The following SYNPR variants were observed in gnomAD, a reference collection of about 807,000 sequenced individuals.
SYNPR encodes the protein synaptoporin.
A neutral mutation model predicts 32.9 loss-of-function variants in SYNPR; 23 were observed. The ratio of observed to expected loss-of-function variants is 0.70; its 90% CI spans 0.50 to 0.99. SYNPR has a LOEUF of 0.99. Ranked by LOEUF, SYNPR falls within the 50% of genes least tolerant of loss-of-function variation. The pLI, the probability that SYNPR is intolerant of heterozygous loss-of-function variation, is 0.00. For synonymous variants in SYNPR, 146 were observed against 135.9 expected (o/e 1.07, Z -0.52); for missense variants, 318 against 349.3 (o/e 0.91, Z 0.71).
intron 2 of SYNPR, among the ~76,000 whole-genome samples, chr3:63,457,038 G>A (rs149332243): frequency 2.0e-5 from 3 of 152,212 alleles, no homozygotes; most frequent in Non-Finnish European, 2.9e-5. Context: ...GTGGTAAGAA[G>A]TCGCTGTATA....
At chr3:63,459,013 C>G (rs918755569) in intron 2 of SYNPR, among the ~76,000 whole-genome samples, 10 of 152,036 alleles carry the variant, frequency 6.6e-5, no homozygotes, top group Non-Finnish European at 1.2e-4. Flanking sequence ...TCTCCCGTCA[C>G]TTAAGTTTCT....
At chr3:63,526,737 A>G (rs923268444) in intron 3 of SYNPR, among the ~76,000 whole-genome samples, 3 of 152,196 alleles carry the variant, frequency 2.0e-5, no homozygotes, top group Non-Finnish European at 4.4e-5. Context: ...AATGACTGAC[A>G]TTTGGGAAAC....
chr3:63,394,884 G>A (rs936240358), intron 2 of SYNPR, among the ~76,000 whole-genome samples: 20 of 152,172 alleles, frequency 1.3e-4, no homozygotes, highest in Non-Finnish European at 2.8e-4. Context: ...ATTAGTATCA[G>A]ATAAGGTTTG....
intron 2 of SYNPR, among the ~76,000 whole-genome samples, chr3:63,373,864 C>T (rs933502493): frequency 1.3e-5 from 2 of 152,172 alleles, no homozygotes; most frequent in African/African-American, 4.8e-5. Flanking sequence ...GGAACCGCAT[C>T]AGGCTAACAG....
chr3:63,270,496 A>G (rs2086525352), intron 3 of SYNPR, among the ~76,000 whole-genome samples: 1 of 152,224 alleles, frequency 6.6e-6, no homozygotes, highest in Admixed American at 6.5e-5. Flanking sequence ...TTAATTAGGC[A>G]GTTGGGACTG....
At chr3:63,504,532 C>T (rs1484574501) in intron 3 of SYNPR, among the ~76,000 whole-genome samples, 1 of 152,148 alleles carries the variant, frequency 6.6e-6, no homozygotes, top group Non-Finnish European at 1.5e-5. Flanking sequence ...ATTGCCCCTT[C>T]GAGTGCAATG....
rs182915929 is a variant in SYNPR at position 63,536,114 on chromosome 3, A to G, written c.210-20429A>G. On this transcript the variant is annotated intron_variant, in intron 3 of 5. Transcript: ENST00000478300. The stretch of plus-strand genomic sequence containing the variant: ...AACCCTCATCTCTACAAAAAATAAA[A>G]TAAAAATTTTAAAAATTTAAGGAAT... Among the ~76,000 whole-genome samples, 295 of 152,204 alleles carry G rather than the reference A, an allele frequency of 1.9e-3. 1 individual carries two copies. Among genetic ancestry groups the G allele is most frequent in the African/African-American group, 6.8e-3 (281 of 41,560 alleles).
At chr3:63,271,909 G>C (rs571427701) in intron 3 of SYNPR, among the ~76,000 whole-genome samples, 1 of 152,140 alleles carries the variant, frequency 6.6e-6, no homozygotes. Flanking sequence ...AAATATTCTT[G>C]CTAACCTCCA....
intron 3 of SYNPR, among the ~76,000 whole-genome samples, chr3:63,494,421 A>G (rs1350966183): frequency 4.8e-5 from 1 of 20,888 alleles, no homozygotes; most frequent in South Asian, 1.3e-3. Context: ...ATATATACGT[A>G]TATATATATA....
intron 2 of SYNPR, among the ~76,000 whole-genome samples, chr3:63,379,072 C>A (rs149256177): frequency 1.3e-5 from 2 of 152,058 alleles, no homozygotes; most frequent in Non-Finnish European, 2.9e-5. Flanking sequence ...ATGTAGCATG[C>A]ATAAGTGTTT....
intron 2 of SYNPR, among the ~76,000 whole-genome samples, chr3:63,290,503 G>T (rs894892734): frequency 2.6e-5 from 4 of 151,968 alleles, no homozygotes; most frequent in Non-Finnish European, 4.4e-5. Flanking sequence ...CCTTCTCAGT[G>T]ACCTTTTTAT....
chr3:63,563,925 T>C (rs1702737193), intron 4 of SYNPR, among the ~76,000 whole-genome samples: 1 of 150,632 alleles, frequency 6.6e-6, no homozygotes, highest in African/African-American at 2.4e-5. Context: ...AAATATTTAC[T>C]GCTAGAAAAC....
intron 3 of SYNPR, among the ~76,000 whole-genome samples, chr3:63,521,736 A>G (rs1701918817): frequency 6.6e-6 from 1 of 152,222 alleles, no homozygotes; most frequent in South Asian, 2.1e-4. Context: ...TCATAATGGT[A>G]TTAGTCAGGG....
At position 63,460,001 on chromosome 3, in the gene SYNPR, T is replaced by C. The variant is rs544857912; in HGVS notation, c.85-20831T>C. The stretch of plus-strand genomic sequence containing the variant: ...ATCTCCACTCTCACTTCGCTGTCTG[T>C]CTCAGATGACTGCAACATCCCATAA... On this transcript the variant is annotated intron_variant, in intron 2 of 5. Coordinates refer to ENST00000478300, the MANE Select transcript of SYNPR (RefSeq NM_001130003.2). Among the ~76,000 whole-genome samples, 116 of 152,194 alleles carry C rather than the reference T, an allele frequency of 7.6e-4. 1 individual carries two copies. The highest frequency in any genetic ancestry group is 2.7e-3 in the African/African-American group (113 of 41,554).
chr3:63,544,358 A>C (rs997442117), intron 3 of SYNPR, among the ~76,000 whole-genome samples: 3 of 152,046 alleles, frequency 2.0e-5, no homozygotes, highest in Non-Finnish European at 4.4e-5. Context: ...CTCAAAAAGG[A>C]TTTGTTTATT....
chr3:63,318,919 T>C (rs1159766494), intron 2 of SYNPR, among the ~76,000 whole-genome samples: 1 of 152,020 alleles, frequency 6.6e-6, no homozygotes, highest in African/African-American at 2.4e-5. Context: ...GGCTGAAGGC[T>C]GTTGTTCAGA....
At chr3:63,391,214 T>A (rs2088130187) in intron 2 of SYNPR, among the ~76,000 whole-genome samples, 1 of 152,162 alleles carries the variant, frequency 6.6e-6, no homozygotes, top group Non-Finnish European at 1.5e-5. Context: ...GGTCCCTCCC[T>A]GGGGGCCCAC....
rs1553876994 is a variant in SYNPR, at chr3:63,408,340, G to GACAGA, written c.85-72491_85-72490insCAGAA. On this transcript the variant is annotated intron_variant, in intron 2 of 5. Transcript: ENST00000478300. Reference sequence around the variant, plus strand: ...GGAAGGAAAGAAAGAAAGAAAGAAAGAAAGAAAGAAAGAAAGAAAGAAAGA... The same window carrying GACAGA: ...GGAAGGAAAGAAAGAAAGAAAGAAAGACAGAAAAGAAAGAAAGAAAGAAAGAAAGA... Among the ~76,000 whole-genome samples, 14 of 141,488 alleles carry GACAGA rather than the reference G, an allele frequency of 9.9e-5. 3 individuals are homozygous for GACAGA. The highest frequency in any genetic ancestry group is 3.5e-4 in the African/African-American group (12 of 33,972). 92.8% of individuals were successfully genotyped at this position (141,488 alleles called of 152,430 possible). A position where few individuals can be genotyped will look rare whatever the true frequency, so the allele number is the denominator to read the frequency against.
At chr3:63,582,762 C>T (rs1381460222) in intron 4 of SYNPR, among the ~76,000 whole-genome samples, 1 of 152,040 alleles carries the variant, frequency 6.6e-6, no homozygotes, top group Non-Finnish European at 1.5e-5. Context: ...AATCGGACTG[C>T]ATTTGTGCCC....
Sources: allele counts gnomAD v4.1 joint callset (sites outside exome capture counted in the v4.1 genomes callset), GRCh38; gene constraint gnomAD v4.1.1; transcripts MANE v1.5; gene names NCBI Gene and HGNC (gene_info 2026-07-23, HGNC 2026-07-21).